RNMT: variants seen among roughly 807,000 people sequenced by gnomAD.
RNMT encodes mRNA cap guanine-N(7) methyltransferase.
Under a neutral mutation model 56.0 loss-of-function variants are expected in RNMT, and 27 were observed. The ratio of observed to expected loss-of-function variants is 0.48; its 90% CI spans 0.36 to 0.67. The LOEUF (loss-of-function observed/expected upper bound fraction) is 0.67, where lower values mean the gene tolerates loss of function less well. RNMT is among the 30% of genes least tolerant of loss of function. The pLI, the probability that RNMT is intolerant of heterozygous loss-of-function variation, is 0.00. For missense variants in RNMT, 519 were observed against 552.1 expected (o/e 0.94, Z 0.60); for synonymous variants, 184 against 176.2 (o/e 1.04, Z -0.35).
intron 2 of RNMT, 77 bp from the exon 3 acceptor site, chr18:13,731,399 A>G (rs1200934296): frequency 2.9e-6 from 2 of 681,948 alleles, no homozygotes; most frequent in Non-Finnish European, 2.3e-6. Flanking sequence ...CAAGAGTGAA[A>G]CTCCGTCTCA....
intron 8 of RNMT, 127 bp downstream of exon 8, chr18:13,742,779 T>G (rs561337514): frequency 8.6e-5 from 63 of 728,754 alleles, no homozygotes; most frequent in Non-Finnish European, 1.1e-4. Context: ...TCTTGTTTTT[T>G]TGTTTTTGTG....
intron 11 of RNMT, among the ~76,000 whole-genome samples, chr18:13,757,773 A>G (rs2044567972): frequency 6.6e-6 from 1 of 152,252 alleles, no homozygotes; most frequent in Admixed American, 6.5e-5. Context: ...AATGATATCT[A>G]GAATGGGGAA....
rs529196467 is a variant in RNMT at position 13,752,714 on chromosome 18, A to G, written c.1359+287A>G. ...AATGTAGGCACCAATGAACCACAGC[A>G]TTTCATACATAGAATGCAGCAGTCC... On this transcript the variant is annotated intron_variant, in intron 10 of 11. Coordinates refer to ENST00000383314, the MANE Select transcript of RNMT (RefSeq NM_003799.3). 2.6e-5 allele frequency among the ~76,000 whole-genome samples: 4 copies of G among 152,368 alleles called. No homozygotes were observed. The South Asian group carries it at 8.3e-4, about 32-fold the overall frequency.
intron 8 of RNMT, among the ~76,000 whole-genome samples, chr18:13,743,329 A>AAAAATAAAT (rs1555794755): frequency 3.1e-5 from 1 of 31,830 alleles, no homozygotes; most frequent in African/African-American, 1.1e-4. Context: ...TCTCAAAAAA[A>AAAAATAAAT]AAATAAATAA....
intron 9 of RNMT, among the ~76,000 whole-genome samples, chr18:13,747,653 G>A (rs887265999): frequency 2.6e-5 from 4 of 152,168 alleles, no homozygotes; most frequent in Non-Finnish European, 4.4e-5. Context: ...AGTTGCACCT[G>A]CACCCAGCCA....
chr18:13,752,893 C>T (rs1185398864), intron 10 of RNMT, among the ~76,000 whole-genome samples: 1 of 152,200 alleles, frequency 6.6e-6, no homozygotes, highest in Non-Finnish European at 1.5e-5. Context: ...TTTCATAGCA[C>T]ATTTTTGCTA....
chr18:13,761,041 A>G lies in RNMT; in HGVS notation c.*1062A>G, dbSNP rs895818078. The G allele has an allele frequency of 1.2e-5, 12 of 985,294 alleles. No individual in the cohort carries two copies. Among genetic ancestry groups the G allele is most frequent in the Non-Finnish European group, 1.4e-5 (12 of 829,880 alleles). 61.0% of individuals were successfully genotyped at this position (985,294 alleles called of 1,614,324 possible). A position where few individuals can be genotyped will look rare whatever the true frequency, so the allele number is the denominator to read the frequency against. On this transcript the variant is annotated 3_prime_UTR_variant, in exon 12 of 12. Coordinates refer to ENST00000383314, the MANE Select transcript of RNMT (RefSeq NM_003799.3). ...ATGTAGTGAAAAACTTCAAGAATGA[A>G]GCAGAGCAATTGAGTATTCTTTTTT... is the stretch of plus-strand genomic sequence containing the variant.
rs754816973 is a variant in RNMT, at chr18:13,740,151, C to T, written c.680-16C>T. On this transcript the variant is annotated splice_polypyrimidine_tract_variant and intron_variant, in intron 5 of 11. Transcript: ENST00000383314. ...ATTCTGTGTTGATACTTACTAATAC[C>T]CTTCCATCCTTCCAGATATTGCCGA... 27 of 1,462,800 alleles carry T rather than the reference C, an allele frequency of 1.8e-5. No homozygotes were observed. The highest frequency in any genetic ancestry group is 2.8e-5 in the African/African-American group (2 of 71,820). The allele number at this position is 1,462,800 out of a possible 1,614,324, so 90.6% of individuals were successfully genotyped here.
Position 13,762,652 on chromosome 18 carries a change from C to G in RNMT, c.*2673C>G, listed in dbSNP as rs2044634537. 5.0e-6 allele frequency: 1 copy of G among 198,192 alleles called. No homozygotes were observed. Among genetic ancestry groups the G allele is most frequent in the Non-Finnish European group, 1.0e-5 (1 of 95,952 alleles). The allele number at this position is 198,192 out of a possible 1,614,324, so 12.3% of individuals were successfully genotyped here. Reference sequence around the variant, plus strand: ...TGGAAATTGAGGGAGCATGACCGCTCTCTGACTTCACATGTTAATAGAGGA... The same window carrying G: ...TGGAAATTGAGGGAGCATGACCGCTGTCTGACTTCACATGTTAATAGAGGA... On this transcript the variant is annotated 3_prime_UTR_variant, in exon 12 of 12. Coordinates refer to ENST00000383314, the MANE Select transcript of RNMT (RefSeq NM_003799.3).
chr18:13,754,299 G>C (rs1053058971), intron 11 of RNMT, 152 bp downstream of exon 11: 15 of 536,016 alleles, frequency 2.8e-5, no homozygotes, highest in African/African-American at 1.8e-4. Flanking sequence ...TCGAGCCCAG[G>C]AGTTGAGACC....
At chr18:13,729,958 C>G (rs1319515905) in intron 1 of RNMT, among the ~76,000 whole-genome samples, 2 of 152,046 alleles carry the variant, frequency 1.3e-5, no homozygotes, top group South Asian at 2.1e-4. Flanking sequence ...GCCACCATGC[C>G]CAGCTATTTT....
chr18:13,730,094 C>T (rs184730371), intron 1 of RNMT, among the ~76,000 whole-genome samples: 138 of 152,282 alleles, frequency 9.1e-4, no homozygotes, highest in African/African-American at 3.1e-3. Flanking sequence ...CCAGCGAAAG[C>T]TTAACATTTT....
intron 9 of RNMT, among the ~76,000 whole-genome samples, chr18:13,747,080 T>A (rs2044364170): frequency 6.6e-6 from 1 of 152,234 alleles, no homozygotes; most frequent in Non-Finnish European, 1.5e-5. Context: ...ATCAGTAGAA[T>A]CATATTCATC....
At chr18:13,757,701 T>C (rs1231506841) in intron 11 of RNMT, among the ~76,000 whole-genome samples, 2 of 152,186 alleles carry the variant, frequency 1.3e-5, no homozygotes, top group Non-Finnish European at 2.9e-5. Context: ...TGGAATCCAG[T>C]TCTTCTAAAC....
Position 13,740,206 on chromosome 18 carries a change from A to T in RNMT, c.719A>T (p.Tyr240Phe), listed in dbSNP as rs373921702. 182 of 1,613,086 alleles carry T rather than the reference A, an allele frequency of 1.1e-4. No individual in the cohort carries two copies. The highest frequency in any genetic ancestry group is 1.5e-4 in the Non-Finnish European group (177 of 1,179,172). ...TCTGTCAAACAGTGTCAGCAGCGGT[A>T]TGAGGACATGAAAAATCGTCGTGAT... ...DVSVKQCQQR[Y>F]EDMKNRRDSE... is the part of the protein sequence containing the mutation. Residue 240 changes from tyrosine (Y) to phenylalanine (F), a missense_variant, in exon 6 of 12, where the codon TAT becomes TTT. Physicochemically the swap from Tyr to Phe is conservative, Grantham distance 22. Coordinates refer to ENST00000383314, the MANE Select transcript of RNMT (RefSeq NM_003799.3).
intron 2 of RNMT, among the ~76,000 whole-genome samples, chr18:13,731,066 C>G (rs573565209): frequency 6.6e-6 from 1 of 152,300 alleles, no homozygotes; most frequent in South Asian, 2.1e-4. Flanking sequence ...TTAATATGCT[C>G]TCTACAATGA....
At chr18:13,740,084 T>C (rs1174976503) in intron 5 of RNMT, 83 bp from the exon 6 acceptor site, 2 of 829,942 alleles carry the variant, frequency 2.4e-6, no homozygotes, top group East Asian at 2.6e-5. Context: ...CTGACTTTTA[T>C]GCCAGAGTTT....
At chr18:13,736,956 C>T (rs573040784) in intron 4 of RNMT, 54 bp from the exon 5 acceptor site, 2 of 1,534,958 alleles carry the variant, frequency 1.3e-6, no homozygotes, top group East Asian at 2.3e-5. Context: ...ACAGTTTATA[C>T]TTCAGTAAAA....
At chr18:13,730,809 TTC>T (rs1222658859) in intron 2 of RNMT, 54 bp downstream of exon 2, 1 of 152,254 alleles carries the variant, frequency 6.6e-6, no homozygotes, top group Non-Finnish European at 1.5e-5. Context: ...AGCTGGTAGT[TTC>T]TGTGATATCT....
Sources: allele counts gnomAD v4.1 joint callset (sites outside exome capture counted in the v4.1 genomes callset), GRCh38; gene constraint gnomAD v4.1.1; transcripts MANE v1.5; gene names NCBI Gene and HGNC (gene_info 2026-07-23, HGNC 2026-07-21).